The following UMODL1 variants were observed in gnomAD, a reference collection of about 807,000 sequenced individuals.
UMODL1 encodes the protein uromodulin like 1, also known as uromodulin-like 1.
A neutral mutation model predicts 136.3 loss-of-function variants in UMODL1; 128 were observed. The observed-to-expected ratio is 0.94, with a 90% CI of 0.81 to 1.09. The LOEUF is 1.09. Among genes scored for constraint, UMODL1 ranks in the 50% least tolerant of loss-of-function variants. The pLI, the probability that UMODL1 is intolerant of heterozygous loss-of-function variation, is 0.00. For synonymous variants in UMODL1, 721 were observed against 720.0 expected, an observed-to-expected ratio of 1.00 and a Z score of -0.02; for missense variants, 1,766 against 1,725.6, an observed-to-expected ratio of 1.02 and a Z score of -0.41.
In UMODL1 at chr21:42,082,331, G is replaced by A. The variant is rs574040430; in HGVS notation, c.320-1753G>A. On this transcript the variant is annotated intron_variant, in intron 2 of 22. Coordinates refer to ENST00000408910, the MANE Select transcript of UMODL1 (RefSeq NM_001004416.3). ...TGCAGCCTGCTGAGGCTGCCCTTCC[G>A]CTTGGCCAATCCCACGAGTTTTCCC... 7.2e-5 allele frequency among the ~76,000 whole-genome samples: 11 copies of A among 152,296 alleles called. No homozygotes were observed. In the East Asian group the frequency reaches 9.7e-4, roughly 13 times the overall value.
chr21:42,125,535 C>A (rs536980645), intron 17 of UMODL1, among the ~76,000 whole-genome samples: 1 of 152,216 alleles, frequency 6.6e-6, no homozygotes, highest in African/African-American at 2.4e-5. Context: ...ACCCTTCAGC[C>A]CCTCAAATGG....
chr21:42,077,714 G>C (rs1223665692), intron 2 of UMODL1, among the ~76,000 whole-genome samples: 1 of 152,194 alleles, frequency 6.6e-6, no homozygotes, highest in Non-Finnish European at 1.5e-5. Context: ...GGGGCTGCCA[G>C]TGAAAGAGGC....
rs770762243 is a variant in UMODL1 at position 42,121,112 on chromosome 21, GGAC to G, written c.2719_2721del (p.Asp907del). On this transcript the variant is annotated inframe_deletion, in exon 16 of 23. Transcript: ENST00000408910. ...ATTACGATGAGTGTGAAAGGAAGGA[GGAC>G]GACTGTGTGCCGGGGACATCCTGTC... The G allele has an allele frequency of 6.2e-7, 1 of 1,613,900 alleles. No individual in the cohort carries two copies. Among genetic ancestry groups the G allele is most frequent in the East Asian group, 2.2e-5 (1 of 44,864 alleles).
chr21:42,108,200 C>T (rs763717556), intron 9 of UMODL1: 3 of 447,338 alleles, frequency 6.7e-6, no homozygotes, highest in Non-Finnish European at 1.4e-5. Context: ...GTGGTTTGAG[C>T]CAGCGTCTTG....
At chr21:42,121,291 C>T (rs184387775) in intron 16 of UMODL1, 67 bp downstream of exon 16, 70 of 1,541,628 alleles carry the variant, frequency 4.5e-5, no homozygotes, top group East Asian at 9.1e-5. Context: ...AGGACATTCA[C>T]GTGCAAAGGG....
intron 14 of UMODL1, among the ~76,000 whole-genome samples, chr21:42,117,567 T>C (rs547449523): frequency 2.0e-5 from 3 of 152,268 alleles, no homozygotes; most frequent in African/African-American, 7.2e-5. Flanking sequence ...AATCTCACAT[T>C]GTAGATTTCC....
In UMODL1 at chr21:42,121,138, G is replaced by GCTCT; in HGVS notation, c.2741_2742insCTCT (p.Arg915SerfsTer11). ...GACGACTGTGTGCCGGGGACATCCT[G>GCTCT]TCGAAACACCCTCGGGTCTTTCACT... On this transcript the variant is annotated frameshift_variant, in exon 16 of 23. Transcript: ENST00000408910. LOFTEE classifies it high-confidence loss of function. The GCTCT allele has an allele frequency of 6.2e-7, 1 of 1,614,022 alleles. No homozygotes were observed. Among genetic ancestry groups the GCTCT allele is most frequent in the East Asian group, 2.2e-5 (1 of 44,902 alleles).
chr21:42,101,185 G>A (rs979007408), intron 7 of UMODL1, among the ~76,000 whole-genome samples: 27 of 151,898 alleles, frequency 1.8e-4, no homozygotes, highest in African/African-American at 6.5e-4. Context: ...GTGACACCGG[G>A]AGGCAGCAGG....
At position 42,104,074 on chromosome 21, in the gene UMODL1, G is replaced by T; in HGVS notation, c.1506G>T (p.Gly502=). Residue 502 remains glycine (G), a synonymous_variant, in exon 9 of 23, where the codon GGG becomes GGT. Transcript: ENST00000408910. ...ASTVFQIDRQ[G]TRVQDWDECV... ...CAGTGTTCCAGATTGACCGGCAGGG[G>T]ACACGCGTGCAAGGTATGGCCCAGC... 6.2e-7 allele frequency: 1 copy of T among 1,611,848 alleles called. No homozygotes were observed. Among genetic ancestry groups the T allele is most frequent in the Non-Finnish European group, 8.5e-7 (1 of 1,178,688 alleles).
At chr21:42,102,345 G>A (rs893360718) in intron 8 of UMODL1, 67 bp downstream of exon 8, 59 of 1,193,070 alleles carry the variant, frequency 4.9e-5, no homozygotes, top group Middle Eastern at 3.9e-4. Flanking sequence ...AACACAAGCC[G>A]TTAATTCCTG....
chr21:42,114,941 C>A (rs894958447), intron 13 of UMODL1, among the ~76,000 whole-genome samples: 1 of 152,224 alleles, frequency 6.6e-6, no homozygotes, highest in African/African-American at 2.4e-5. Flanking sequence ...GGCTTTCAGA[C>A]TGGGTTGCTC....
rs756988414 is a variant in UMODL1, at chr21:42,111,604, A to G, written c.1998A>G (p.Glu666=). The stretch of plus-strand genomic sequence containing the variant: ...GGCATGCCACCCGTTCCACCCGGGA[A>G]ACACTTCTGAATCCCACGTGGCTGC... The part of the protein sequence containing the change: ...FLWHATRSTR[E]TLLNPTWLRN... The change falls in exon 12 of 23, where the codon GAA becomes GAG. Residue 666 remains glutamate (E), a synonymous_variant. Coordinates refer to ENST00000408910, the MANE Select transcript of UMODL1 (RefSeq NM_001004416.3). The G allele has an allele frequency of 3.7e-6, 6 of 1,614,020 alleles. No individual in the cohort carries two copies. The highest frequency in any genetic ancestry group is 1.7e-5 in the Admixed American group (1 of 59,998).
At chr21:42,117,641 C>T (rs1244301045) in intron 14 of UMODL1, among the ~76,000 whole-genome samples, 8 of 152,164 alleles carry the variant, frequency 5.3e-5, no homozygotes, top group East Asian at 1.9e-4. Context: ...GTGGTAATAC[C>T]GTAGCAGGGC....
chr21:42,125,083 G>A (rs868802260), intron 17 of UMODL1, among the ~76,000 whole-genome samples: 8 of 152,104 alleles, frequency 5.3e-5, no homozygotes, highest in African/African-American at 1.9e-4. Context: ...GGGACAGGGC[G>A]GCCTCTGGCA....
At chr21:42,124,131 C>T (rs748832287) in intron 17 of UMODL1, among the ~76,000 whole-genome samples, 4 of 151,532 alleles carry the variant, frequency 2.6e-5, no homozygotes, top group Admixed American at 1.3e-4. Flanking sequence ...TCACAGCGAA[C>T]GCTCCCATGC....
Position 42,083,615 on chromosome 21 carries a change from G to A in UMODL1, c.320-469G>A, listed in dbSNP as rs1187855542. ...ATTCCCTGAGGCTCTCACCCCATCT[G>A]AATATCTGTAGATCTCCTTGCACTA... On this transcript the variant is annotated intron_variant, in intron 2 of 22. Coordinates refer to ENST00000408910, the MANE Select transcript of UMODL1 (RefSeq NM_001004416.3). 2.0e-5 allele frequency among the ~76,000 whole-genome samples: 3 copies of A among 152,266 alleles called. No homozygotes were observed. In the East Asian group the frequency reaches 5.8e-4, roughly 29 times the overall value.
At chr21:42,119,621 A>G (rs1445722488) in intron 15 of UMODL1, among the ~76,000 whole-genome samples, 1 of 152,120 alleles carries the variant, frequency 6.6e-6, no homozygotes, top group African/African-American at 2.4e-5. Context: ...GGCTGAGGGC[A>G]GATGCATCCC....
intron 11 of UMODL1, 162 bp downstream of exon 11, chr21:42,111,283 C>A (rs753021385): frequency 3.6e-6 from 5 of 1,387,150 alleles, no homozygotes; most frequent in Non-Finnish European, 3.9e-6. Context: ...GCCAGGTGAA[C>A]CCCAGCCAGC....
intron 21 of UMODL1, among the ~76,000 whole-genome samples, chr21:42,133,987 G>A (rs1043466060): frequency 6.6e-6 from 1 of 152,118 alleles, no homozygotes; most frequent in Admixed American, 6.5e-5. Context: ...GCATGATCTC[G>A]GCTCACTGCA....
Sources: gnomAD v4.1 joint callset for allele counts (sites outside exome capture counted in the v4.1 genomes callset) on GRCh38, gnomAD v4.1.1 for gene constraint, MANE v1.5 for transcripts, NCBI Gene and HGNC (gene_info 2026-07-23, HGNC 2026-07-21) for gene names.